Variants in HLF observed in about 807,000 individuals in gnomAD.
The protein encoded by HLF is hepatic leukemia factor.
Under a neutral mutation model 22.6 loss-of-function variants are expected in HLF, and 3 were observed. The ratio of observed to expected loss-of-function variants is 0.13; its 90% confidence interval spans 0.06 to 0.34. The LOEUF (loss-of-function observed/expected upper bound fraction) is 0.34, where lower values mean the gene tolerates loss of function less well. Ranked by LOEUF, HLF falls within the 10% of genes least tolerant of loss-of-function variation. The pLI is 1.00. For missense variants in HLF, 299 were observed against 389.2 expected, an observed-to-expected ratio of 0.77 and a Z score of 1.95; for synonymous variants, 151 against 151.8, an observed-to-expected ratio of 0.99 and a Z score of 0.04.
chr17:55,305,695 G>A (rs571160284), intron 2 of HLF, among the ~76,000 whole-genome samples: 4 of 152,308 alleles, frequency 2.6e-5, no homozygotes, highest in South Asian at 2.1e-4. Flanking sequence ...TACAGTGCCC[G>A]CCTCGCAGAG....
rs35293604 is a variant in HLF at position 55,316,965 on chromosome 17, GT to G, written c.672+1538del. On this transcript the variant is annotated intron_variant, in intron 3 of 3. Coordinates refer to ENST00000226067, the MANE Select transcript of HLF (RefSeq NM_002126.5). ...TCTTAGTGATCCAATTTTTTATGGT[GT>G]TTTTTTTTTTTTTTTTTTTGAGATG... Among the ~76,000 whole-genome samples the G allele has an allele frequency of 5.1e-3, 543 of 107,100 alleles. 2 individuals are homozygous for G. Among genetic ancestry groups the G allele is most frequent in the Middle Eastern group, 0.026 (5 of 190 alleles). 70.3% of individuals were successfully genotyped at this position (107,100 alleles called of 152,430 possible).
intron 1 of HLF, chr17:55,265,914 C>T: frequency 9.6e-7 from 1 of 1,045,964 alleles, no homozygotes; most frequent in Non-Finnish European, 1.2e-6. Context: ...GAACGAGGCA[C>T]ACCCGCACGC....
chr17:55,267,515 C>A, intron 1 of HLF: 1 of 468,748 alleles, frequency 2.1e-6, no homozygotes, highest in Non-Finnish European at 3.7e-6. Context: ...GCCTGTAGCC[C>A]TGCCCCAAGG....
At chr17:55,283,120 A>C (rs1432730656) in intron 2 of HLF, among the ~76,000 whole-genome samples, 1 of 151,924 alleles carries the variant, frequency 6.6e-6, no homozygotes. Context: ...TTTTTTATAA[A>C]GAAAAGAAAA....
At chr17:55,308,578 A>G (rs190558210) in intron 2 of HLF, among the ~76,000 whole-genome samples, 543 of 152,300 alleles carry the variant, frequency 3.6e-3, no homozygotes, top group Non-Finnish European at 6.3e-3. Flanking sequence ...TCATTTATTT[A>G]CAAAGGCCCA....
At chr17:55,290,192 G>T (rs527873908) in intron 2 of HLF, among the ~76,000 whole-genome samples, 1 of 152,178 alleles carries the variant, frequency 6.6e-6, no homozygotes, top group South Asian at 2.1e-4. Context: ...ACAGTGTGGA[G>T]GTTCCTCAGA....
Position 55,324,625 on chromosome 17 carries a change from C to T in HLF, c.*3746C>T, listed in dbSNP as rs1315538906. ...GTCTGAGACTAAGTGATCTGCCCTC[C>T]AGGTGGCGATCACCTTCTGCTCCTA... is the stretch of plus-strand genomic sequence containing the variant. On this transcript the variant is annotated 3_prime_UTR_variant, in exon 4 of 4. Coordinates refer to ENST00000226067, the MANE Select transcript of HLF (RefSeq NM_002126.5). The T allele has an allele frequency of 8.6e-6, 2 of 232,652 alleles. No individual in the cohort carries two copies. The highest frequency in any genetic ancestry group is 4.4e-5 in the African/African-American group (2 of 45,300). 14.4% of individuals were successfully genotyped at this position (232,652 alleles called of 1,614,324 possible). A position where few individuals can be genotyped will look rare whatever the true frequency, so the allele number is the denominator to read the frequency against.
intron 2 of HLF, among the ~76,000 whole-genome samples, chr17:55,312,530 T>C (rs893730589): frequency 1.3e-5 from 2 of 152,248 alleles, no homozygotes; most frequent in African/African-American, 4.8e-5. Flanking sequence ...AAAGTAGTTT[T>C]ATTTGTACTA....
intron 2 of HLF, among the ~76,000 whole-genome samples, chr17:55,302,597 A>G (rs1904345229): frequency 1.3e-5 from 2 of 152,152 alleles, no homozygotes; most frequent in African/African-American, 4.8e-5. Context: ...ATCAGCGAAT[A>G]TTGTCGCTGA....
intron 2 of HLF, among the ~76,000 whole-genome samples, chr17:55,299,936 G>A (rs1056689081): frequency 6.6e-6 from 1 of 151,990 alleles, no homozygotes; most frequent in Admixed American, 6.6e-5. Flanking sequence ...GGGCTCAAGC[G>A]ATCCTCCCAC....
At chr17:55,298,081 T>TGG (rs2081125779) in intron 2 of HLF, among the ~76,000 whole-genome samples, 1 of 152,094 alleles carries the variant, frequency 6.6e-6, no homozygotes, top group Non-Finnish European at 1.5e-5. Flanking sequence ...TTGAAGAAAC[T>TGG]GAGTCCTGTC....
intron 2 of HLF, among the ~76,000 whole-genome samples, chr17:55,290,526 A>G (rs2081051719): frequency 6.6e-6 from 1 of 152,218 alleles, no homozygotes; most frequent in Non-Finnish European, 1.5e-5. Context: ...AGCCACACCC[A>G]TATAAGATGG....
chr17:55,307,841 A>AC (rs34749461), intron 2 of HLF, among the ~76,000 whole-genome samples: 1 of 152,018 alleles, frequency 6.6e-6, no homozygotes, highest in Non-Finnish European at 1.5e-5. Context: ...AAAAAAAAAA[A>AC]AAAAACATCA....
At chr17:55,299,398 G>A (rs553995543) in intron 2 of HLF, among the ~76,000 whole-genome samples, 18 of 152,112 alleles carry the variant, frequency 1.2e-4, no homozygotes, top group African/African-American at 3.9e-4. Context: ...GCCTACTTCC[G>A]TAACCTATGC....
intron 3 of HLF, among the ~76,000 whole-genome samples, chr17:55,317,054 G>A (rs181573018): frequency 4.2e-4 from 58 of 138,972 alleles, no homozygotes; most frequent in Non-Finnish European, 7.9e-4. Flanking sequence ...TGCAAGCTCC[G>A]CCTCCCCGGT....
At chr17:55,319,764 C>T (rs1359750192) in intron 3 of HLF, among the ~76,000 whole-genome samples, 1 of 151,688 alleles carries the variant, frequency 6.6e-6, no homozygotes, top group Non-Finnish European at 1.5e-5. Flanking sequence ...GTGTATGTAT[C>T]TATTATATGA....
At position 55,322,979 on chromosome 17, in the gene HLF, C is replaced by G. The variant is rs145422513; in HGVS notation, c.*2100C>G. ...TTTACGCTAGATTAAAATATCCTTT[C>G]ATCAATGGGATTTTCTAGTTTCCTG... On this transcript the variant is annotated 3_prime_UTR_variant, in exon 4 of 4. Coordinates refer to ENST00000226067, the MANE Select transcript of HLF (RefSeq NM_002126.5). 1 of 223,022 alleles carries G rather than the reference C, an allele frequency of 4.5e-6. No homozygotes were observed. The highest frequency in any genetic ancestry group is 9.0e-6 in the Non-Finnish European group (1 of 111,728). The allele number at this position is 223,022 out of a possible 1,614,324, so 13.8% of individuals were successfully genotyped here.
intron 3 of HLF, among the ~76,000 whole-genome samples, chr17:55,318,722 C>A (rs1905159787): frequency 6.6e-6 from 1 of 152,152 alleles, no homozygotes; most frequent in Admixed American, 6.6e-5. Context: ...TCTTGGAAAC[C>A]GCACTCCCAG....
chr17:55,285,202 A>G (rs557929564), intron 2 of HLF, among the ~76,000 whole-genome samples: 93 of 152,310 alleles, frequency 6.1e-4, no homozygotes, highest in African/African-American at 1.9e-3. Context: ...ACCAGAAGAT[A>G]TACAGTTTAA....
Sources: allele counts gnomAD v4.1 joint callset (sites outside exome capture counted in the v4.1 genomes callset), GRCh38; gene constraint gnomAD v4.1.1; transcripts MANE v1.5; gene names NCBI Gene and HGNC (gene_info 2026-07-23, HGNC 2026-07-21).